Variants in NTM observed in about 807,000 individuals in gnomAD.
NTM encodes the protein IgLON family member 2.
Under a neutral mutation model 42.1 loss-of-function variants are expected in NTM, and 13 were observed. The ratio of observed to expected loss-of-function variants is 0.31; its 90% CI spans 0.20 to 0.49. The LOEUF (loss-of-function observed/expected upper bound fraction) is 0.49, where lower values mean the gene tolerates loss of function less well. Among genes scored for constraint, NTM ranks in the 20% least tolerant of loss-of-function variants. The pLI, the probability that NTM is intolerant of heterozygous loss-of-function variation, is 0.99. For synonymous variants in NTM, 187 were observed against 179.2 expected, an observed-to-expected ratio of 1.04 and a Z score of -0.35; for missense variants, 373 against 452.8, an observed-to-expected ratio of 0.82 and a Z score of 1.60.
chr11:131,933,228 GGA>G (rs2058831867), intron 2 of NTM, among the ~76,000 whole-genome samples: 2 of 152,170 alleles, frequency 1.3e-5, no homozygotes, highest in Admixed American at 6.5e-5. Context: ...GGACTGTCAG[GGA>G]GTGCGTGGGG....
chr11:132,104,890 C>A (rs2062097565), intron 2 of NTM, among the ~76,000 whole-genome samples: 1 of 134,252 alleles, frequency 7.4e-6, no homozygotes, highest in Admixed American at 8.0e-5. Flanking sequence ...ATTACTCCAG[C>A]CTGAGTAACA....
chr11:131,431,434 C>T lies in NTM; in HGVS notation c.82+60546C>T, dbSNP rs114176344. Among the ~76,000 whole-genome samples the T allele has an allele frequency of 2.0e-3, 307 of 152,310 alleles. 1 individual carries two copies. The highest frequency in any genetic ancestry group is 7.0e-3 in the African/African-American group (290 of 41,552). On this transcript the variant is annotated intron_variant, in intron 1 of 8. Transcript: ENST00000683400. ...GATGAGATAAAAAGATAACATTAAG[C>T]GCATTCCCAAAATGCCAGAATCTCT... is the stretch of plus-strand genomic sequence containing the variant.
chr11:131,423,116 C>G (rs531130007), intron 1 of NTM, among the ~76,000 whole-genome samples: 1 of 152,296 alleles, frequency 6.6e-6, no homozygotes, highest in Non-Finnish European at 1.5e-5. Flanking sequence ...CAAAGTTGAA[C>G]AAGATTCAAC....
intron 1 of NTM, chr11:131,582,358 C>G (rs752958919): frequency 6.6e-6 from 1 of 152,190 alleles, no homozygotes; most frequent in Non-Finnish European, 1.5e-5. Context: ...GCTGGGCCCT[C>G]CCCCTTCCAG....
intron 1 of NTM, among the ~76,000 whole-genome samples, chr11:131,556,415 T>C (rs1195751005): frequency 1.3e-5 from 2 of 152,230 alleles, no homozygotes; most frequent in African/African-American, 4.8e-5. Context: ...GGAAATGATA[T>C]TTAATAATTA....
In NTM at chr11:131,739,464, G is replaced by T. The variant is rs1017667533; in HGVS notation, c.83-172100G>T. Among the ~76,000 whole-genome samples the T allele has an allele frequency of 3.3e-5, 5 of 152,180 alleles. No homozygotes were observed. In the South Asian group the frequency reaches 1.0e-3, roughly 32 times the overall value. Reference sequence around the variant, plus strand: ...CCATTATTGCATCAGTGCAATTCCAGCATAGTGAGAAAGGTTTGTGTCTCT... The same window carrying T: ...CCATTATTGCATCAGTGCAATTCCATCATAGTGAGAAAGGTTTGTGTCTCT... On this transcript the variant is annotated intron_variant, in intron 1 of 8. Coordinates refer to ENST00000683400, the MANE Select transcript of NTM (RefSeq NM_001352005.2).
At chr11:131,920,599 C>G (rs1415223752) in intron 2 of NTM, among the ~76,000 whole-genome samples, 1 of 152,168 alleles carries the variant, frequency 6.6e-6, no homozygotes, top group African/African-American at 2.4e-5. Context: ...CATTTATTCA[C>G]ATTGTTGAAT....
In NTM at chr11:132,221,027, G is replaced by T. The variant is rs547874326; in HGVS notation, c.526+8880G>T. On this transcript the variant is annotated intron_variant, in intron 4 of 8. Transcript: ENST00000683400. ...TCACACCGCTGTAGACCAGCTAAAGGCTTGGGGAGTTTCTTGTGTAGGACC... is the reference window on the plus strand; with the variant it reads ...TCACACCGCTGTAGACCAGCTAAAGTCTTGGGGAGTTTCTTGTGTAGGACC... Among the ~76,000 whole-genome samples the T allele has an allele frequency of 3.9e-5, 6 of 152,252 alleles. No individual in the cohort carries two copies. In the East Asian group the frequency reaches 9.7e-4, roughly 25 times the overall value.
chr11:131,413,474 G>A (rs971103440), intron 1 of NTM, among the ~76,000 whole-genome samples: 4 of 152,202 alleles, frequency 2.6e-5, no homozygotes, highest in African/African-American at 9.7e-5. Context: ...CCCTGAAAGA[G>A]CCCCTTGGCT....
chr11:131,818,060 G>C (rs761737720), intron 1 of NTM, among the ~76,000 whole-genome samples: 1 of 152,206 alleles, frequency 6.6e-6, no homozygotes, highest in African/African-American at 2.4e-5. Flanking sequence ...ACACACATCA[G>C]CGGCTTTTGG....
intron 1 of NTM, among the ~76,000 whole-genome samples, chr11:131,498,070 T>G (rs1955535559): frequency 6.6e-6 from 1 of 152,208 alleles, no homozygotes; most frequent in African/African-American, 2.4e-5. Context: ...TCTCCGTTTC[T>G]CCATCGCTCC....
intron 4 of NTM, among the ~76,000 whole-genome samples, chr11:132,278,475 C>A (rs1014285374): frequency 2.0e-5 from 3 of 152,130 alleles, no homozygotes; most frequent in African/African-American, 7.2e-5. Context: ...TTGTGCATAG[C>A]CTTGCTTGGG....
At chr11:131,586,444 A>G (rs1047927707) in intron 1 of NTM, among the ~76,000 whole-genome samples, 1 of 152,214 alleles carries the variant, frequency 6.6e-6, no homozygotes, top group Non-Finnish European at 1.5e-5. Context: ...TTACTCACCC[A>G]GGGAGCCAGC....
intron 1 of NTM, among the ~76,000 whole-genome samples, chr11:131,409,137 T>C (rs1051756555): frequency 3.3e-5 from 5 of 152,220 alleles, no homozygotes; most frequent in Non-Finnish European, 4.4e-5. Flanking sequence ...ACAGAAATCA[T>C]TGATGTCAGC....
chr11:131,994,591 C>G (rs2067642906), intron 2 of NTM, among the ~76,000 whole-genome samples: 1 of 152,136 alleles, frequency 6.6e-6, no homozygotes, highest in Admixed American at 6.5e-5. Context: ...GAAGCAACTT[C>G]TTGTCTGTTT....
At chr11:132,022,830 C>T (rs572966768) in intron 2 of NTM, among the ~76,000 whole-genome samples, 2 of 152,312 alleles carry the variant, frequency 1.3e-5, no homozygotes, top group Admixed American at 6.5e-5. Flanking sequence ...AATTCAAAGG[C>T]TGTTAAGACC....
intron 1 of NTM, among the ~76,000 whole-genome samples, chr11:131,565,327 T>C (rs934913990): frequency 4.6e-5 from 7 of 152,358 alleles, no homozygotes; most frequent in South Asian, 4.1e-4. Context: ...TGGCATGGCA[T>C]GAACTCTTCT....
At chr11:131,965,713 G>GC (rs1222136888) in intron 2 of NTM, among the ~76,000 whole-genome samples, 1 of 152,154 alleles carries the variant, frequency 6.6e-6, no homozygotes, top group Non-Finnish European at 1.5e-5. Flanking sequence ...ACTGTCTCAG[G>GC]CTGCCGCCCA....
At chr11:131,701,335 G>A (rs866457879) in intron 1 of NTM, among the ~76,000 whole-genome samples, 7 of 152,086 alleles carry the variant, frequency 4.6e-5, no homozygotes, top group Non-Finnish European at 7.3e-5. Context: ...TATGTAAATC[G>A]CCTAGAACCA....
Sources: gnomAD v4.1 joint callset for allele counts (sites outside exome capture counted in the v4.1 genomes callset) on GRCh38, gnomAD v4.1.1 for gene constraint, MANE v1.5 for transcripts, NCBI Gene and HGNC (gene_info 2026-07-23, HGNC 2026-07-21) for gene names.